Variants in GUCY1B1 observed in about 807,000 individuals in gnomAD.
GUCY1B1 encodes guanylate cyclase soluble subunit beta-1.
Under a neutral mutation model 71.0 loss-of-function variants are expected in GUCY1B1, and 43 were observed. That is an observed-to-expected ratio of 0.61 (90% CI 0.47 to 0.78). The LOEUF (loss-of-function observed/expected upper bound fraction) is 0.78. Among genes scored for constraint, GUCY1B1 ranks in the 30% least tolerant of loss-of-function variants. The pLI is 0.00. For missense variants in GUCY1B1, 535 were observed against 754.1 expected, an observed-to-expected ratio of 0.71 and a Z score of 3.40; for synonymous variants, 266 against 259.7, an observed-to-expected ratio of 1.02 and a Z score of -0.23.
chr4:155,793,896 T>A lies in GUCY1B1; in HGVS notation c.536T>A (p.Phe179Tyr). The A allele has an allele frequency of 6.4e-7, 1 of 1,574,482 alleles. No homozygotes were observed. Among genetic ancestry groups the A allele is most frequent in the Non-Finnish European group, 8.7e-7 (1 of 1,143,892 alleles). ...AATGAAGAATGTGATCATACTCAAT[T>A]TTTAATTGAAGAAAAAGAGTCAAAA... is the stretch of plus-strand genomic sequence containing the variant. ...QRNEECDHTQ[F>Y]LIEEKESKEE... The change falls in exon 6 of 14, where the codon TTT becomes TAT. Residue 179 changes from phenylalanine (F) to tyrosine (Y), a missense_variant. Physicochemically the swap from Phe to Tyr is conservative, Grantham distance 22 (BLOSUM62 3). Transcript: ENST00000264424.
chr4:155,805,228 A>T lies in GUCY1B1; in HGVS notation c.1835A>T (p.Glu612Val). The change falls in exon 13 of 14, where the codon GAG (glutamate) becomes GTG (valine). Residue 612 changes from glutamate (E) to valine (V), a missense_variant and splice_region_variant. Coordinates refer to ENST00000264424, the MANE Select transcript of GUCY1B1 (RefSeq NM_000857.5). ...WFLSRKNTGT[E>V]ETKQDDD ...CTATCCAGAAAAAATACAGGAACAGAGGTATGACTAATCAAAGTGTAATTT... is the reference window on the plus strand; with the variant it reads ...CTATCCAGAAAAAATACAGGAACAGTGGTATGACTAATCAAAGTGTAATTT... The T allele has an allele frequency of 1.2e-6, 2 of 1,607,148 alleles. No homozygotes were observed. The highest frequency in any genetic ancestry group is 2.2e-5 in the South Asian group (2 of 89,916).
intron 4 of GUCY1B1, among the ~76,000 whole-genome samples, chr4:155,780,276 G>T (rs1026048753): frequency 6.6e-6 from 1 of 151,896 alleles, no homozygotes; most frequent in Non-Finnish European, 1.5e-5. Context: ...TCTTGTTCCC[G>T]CTATCCTCTC....
rs1219366886 is a variant in GUCY1B1 at position 155,793,934 on chromosome 4, T to C, written c.574T>C (p.Tyr192His). 1 of 1,597,056 alleles carries C rather than the reference T, an allele frequency of 6.3e-7. No homozygotes were observed. The highest frequency in any genetic ancestry group is 8.6e-7 in the Non-Finnish European group (1 of 1,164,440). ...AAAAGAGTCAAAAGAAGAGGATTTTTATGAAGATCTTGACAGATTTGAAGA... is the reference window on the plus strand; with the variant it reads ...AAAAGAGTCAAAAGAAGAGGATTTTCATGAAGATCTTGACAGATTTGAAGA... ...EEKESKEEDF[Y>H]EDLDRFEENG... Residue 192 changes from tyrosine (Y) to histidine (H), a missense_variant, in exon 6 of 14, where the codon TAT becomes CAT. Physicochemically the swap from Tyr to His is moderately conservative, Grantham distance 83. Transcript: ENST00000264424.
At chr4:155,760,224 T>C (rs1454944865) in intron 2 of GUCY1B1, among the ~76,000 whole-genome samples, 1 of 152,204 alleles carries the variant, frequency 6.6e-6, no homozygotes, top group Non-Finnish European at 1.5e-5. Flanking sequence ...TCCGCGAGGT[T>C]CCTGCGCCCG....
At chr4:155,759,950 G>C (rs897411862) in intron 2 of GUCY1B1, 90 bp downstream of exon 2, 44 of 929,688 alleles carry the variant, frequency 4.7e-5, no homozygotes, top group African/African-American at 4.2e-4. Flanking sequence ...CCTGCTGGCC[G>C]GGTCGCGGGC....
chr4:155,759,727 C>T (rs1736832888), intron 1 of GUCY1B1, 60 bp from the exon 2 acceptor site: 14 of 1,299,620 alleles, frequency 1.1e-5, no homozygotes, highest in Admixed American at 1.7e-5. Context: ...AGCCTCGCCC[C>T]CAAGCCGCTT....
chr4:155,764,510 A>C (rs748712133), intron 2 of GUCY1B1, among the ~76,000 whole-genome samples: 18 of 152,224 alleles, frequency 1.2e-4, no homozygotes, highest in Admixed American at 3.3e-4. Flanking sequence ...TGCTTCTTTT[A>C]AGATATAACT....
chr4:155,782,077 T>C (rs1191062775), intron 4 of GUCY1B1, among the ~76,000 whole-genome samples: 3 of 151,576 alleles, frequency 2.0e-5, no homozygotes, highest in Non-Finnish European at 4.4e-5. Flanking sequence ...TAATGTTTTA[T>C]TATTATTATT....
chr4:155,761,563 A>T (rs964171711), intron 2 of GUCY1B1, among the ~76,000 whole-genome samples: 11 of 152,334 alleles, frequency 7.2e-5, no homozygotes, highest in African/African-American at 2.4e-4. Context: ...AAATACAGAG[A>T]TGAAAAATAA....
At chr4:155,764,174 T>G (rs186563052) in intron 2 of GUCY1B1, among the ~76,000 whole-genome samples, 109 of 152,292 alleles carry the variant, frequency 7.2e-4, no homozygotes, top group African/African-American at 2.5e-3. Context: ...ATTTTCATAT[T>G]TTTGAAGGTG....
chr4:155,763,178 T>C (rs1434603911), intron 2 of GUCY1B1, among the ~76,000 whole-genome samples: 2 of 152,204 alleles, frequency 1.3e-5, no homozygotes, highest in Non-Finnish European at 2.9e-5. Flanking sequence ...TTTTAGATTT[T>C]TTCTCTGCTT....
intron 2 of GUCY1B1, among the ~76,000 whole-genome samples, chr4:155,763,227 A>C (rs1173050917): frequency 6.6e-6 from 1 of 152,222 alleles, no homozygotes; most frequent in African/African-American, 2.4e-5. Context: ...GGAGGGAAGC[A>C]GTTAGAGACA....
intron 4 of GUCY1B1, among the ~76,000 whole-genome samples, chr4:155,783,163 A>C (rs1373010521): frequency 6.6e-6 from 1 of 152,230 alleles, no homozygotes; most frequent in Non-Finnish European, 1.5e-5. Flanking sequence ...ATGTGTGTAT[A>C]TGCTTGTACA....
At chr4:155,761,955 A>C (rs887583593) in intron 2 of GUCY1B1, among the ~76,000 whole-genome samples, 2 of 152,168 alleles carry the variant, frequency 1.3e-5, no homozygotes, top group African/African-American at 4.8e-5. Context: ...TCCAGGTGTT[A>C]GTGTTGATTC....
chr4:155,788,188 T>G (rs1738925818), intron 4 of GUCY1B1, among the ~76,000 whole-genome samples: 1 of 152,204 alleles, frequency 6.6e-6, no homozygotes, highest in African/African-American at 2.4e-5. Flanking sequence ...GACGGGACTG[T>G]GTTTCTTTAT....
At chr4:155,767,806 A>G (rs1579193437) in intron 2 of GUCY1B1, among the ~76,000 whole-genome samples, 2 of 152,152 alleles carry the variant, frequency 1.3e-5, no homozygotes, top group Non-Finnish European at 2.9e-5. Flanking sequence ...TTCATGCTCC[A>G]CAGCCACTTA....
At chr4:155,800,113 A>T (rs1281477784) in intron 9 of GUCY1B1, 39 bp downstream of exon 9, 1 of 1,337,234 alleles carries the variant, frequency 7.5e-7, no homozygotes, top group Non-Finnish European at 1.0e-6. Context: ...GTTATTCATA[A>T]CATAATGTGA....
chr4:155,791,566 T>C lies in GUCY1B1; in HGVS notation c.495+1655T>C, dbSNP rs558122810. ...TAACACGGTGAAACCCCGTCTCTAC[T>C]AAAAATACTAAAAAAATAGCCAGGC... On this transcript the variant is annotated intron_variant, in intron 5 of 13. Transcript: ENST00000264424. Among the ~76,000 whole-genome samples, 388 of 150,232 alleles carry C rather than the reference T, an allele frequency of 2.6e-3. 1 individual carries two copies. Among genetic ancestry groups the C allele is most frequent in the Non-Finnish European group, 4.2e-3 (280 of 67,412 alleles).
In GUCY1B1 at chr4:155,804,656, T is replaced by C; in HGVS notation, c.1618T>C (p.Tyr540His). 6.2e-7 allele frequency: 1 copy of C among 1,612,712 alleles called. No homozygotes were observed. The highest frequency in any genetic ancestry group is 8.5e-7 in the Non-Finnish European group (1 of 1,178,828). Reference sequence around the variant, plus strand: ...TGTCATAGGACAGCGGATGCCTCGATACTGTCTTTTTGGGAATACTGTCAA... The same window carrying C: ...TGTCATAGGACAGCGGATGCCTCGACACTGTCTTTTTGGGAATACTGTCAA... ...TGVIGQRMPR[Y>H]CLFGNTVNLT... The change falls in exon 12 of 14, where the codon TAC becomes CAC. Residue 540 changes from tyrosine to histidine, a missense_variant. By Grantham distance (83) the Tyr-to-His change is moderately conservative. Coordinates refer to ENST00000264424, the MANE Select transcript of GUCY1B1 (RefSeq NM_000857.5).
Sources: gnomAD v4.1 joint callset for allele counts (sites outside exome capture counted in the v4.1 genomes callset) on GRCh38, gnomAD v4.1.1 for gene constraint, MANE v1.5 for transcripts, NCBI Gene and HGNC (gene_info 2026-07-23, HGNC 2026-07-21) for gene names.